The following PTPRN2 variants were observed in gnomAD, a reference collection of about 807,000 sequenced individuals.
PTPRN2 encodes the protein protein tyrosine phosphatase receptor type N2.
Under a neutral mutation model 118.8 loss-of-function variants are expected in PTPRN2, and 74 were observed. The ratio of observed to expected loss-of-function variants is 0.62; its 90% CI spans 0.52 to 0.76. The LOEUF (loss-of-function observed/expected upper bound fraction) is 0.76, where lower values mean the gene tolerates loss of function less well. Ranked by LOEUF, PTPRN2 falls within the 30% of genes least tolerant of loss-of-function variation. The pLI is 0.00. For synonymous variants in PTPRN2, 641 were observed against 608.0 expected, an observed-to-expected ratio of 1.05 and a Z score of -0.80; for missense variants, 1,481 against 1,394.4, an observed-to-expected ratio of 1.06 and a Z score of -0.99.
chr7:157,737,620 T>A (rs576640158), intron 12 of PTPRN2, among the ~76,000 whole-genome samples: 1 of 152,328 alleles, frequency 6.6e-6, no homozygotes, highest in South Asian at 2.1e-4. Context: ...GTACTCACGG[T>A]CCTGAGTTGA....
chr7:158,318,762 C>T (rs1802563164), intron 2 of PTPRN2, among the ~76,000 whole-genome samples: 1 of 152,250 alleles, frequency 6.6e-6, no homozygotes, highest in Non-Finnish European at 1.5e-5. Flanking sequence ...CCGGGGTGGA[C>T]GTGCGTGGCC....
In PTPRN2 at chr7:157,883,151, C is replaced by T. The variant is rs551305184; in HGVS notation, c.1788+15522G>A. On this transcript the variant is annotated intron_variant, in intron 12 of 22. Coordinates refer to ENST00000389418, the MANE Select transcript of PTPRN2 (RefSeq NM_002847.5). ...AAAATGACTGTCAGGGATCAGAACA[C>T]ACCACCCCAAAAATGACTGTCGGAG... 6.0e-5 allele frequency among the ~76,000 whole-genome samples: 9 copies of T among 150,222 alleles called. No individual in the cohort carries two copies. In the East Asian group the frequency reaches 6.1e-4, roughly 10 times the overall value.
intron 2 of PTPRN2, among the ~76,000 whole-genome samples, chr7:158,321,726 A>G (rs923447290): frequency 2.0e-5 from 3 of 152,208 alleles, no homozygotes; most frequent in African/African-American, 7.2e-5. Context: ...TTGCCTATGA[A>G]AACTGTGGGC....
In PTPRN2 at chr7:158,570,007, C is replaced by A. The variant is rs1563444573; in HGVS notation, c.112+17551G>T. Among the ~76,000 whole-genome samples, 1 of 152,164 alleles carries A rather than the reference C, an allele frequency of 6.6e-6. No individual in the cohort carries two copies. The highest frequency in any genetic ancestry group is 1.5e-5 in the Non-Finnish European group (1 of 68,018). Reference sequence around the variant, plus strand: ...CGCAGACGGGGGAGCCCAGAGCCCACGCGCCAAGGCCGCCAGGCCTTTCCT... The same window carrying A: ...CGCAGACGGGGGAGCCCAGAGCCCAAGCGCCAAGGCCGCCAGGCCTTTCCT... On this transcript the variant is annotated intron_variant, in intron 1 of 22. Transcript: ENST00000389418. This position sits in a 1 kb window ranked among gnomAD's most constrained non-coding sequence, Gnocchi z 4.5.
chr7:158,118,049 G>A (rs1025455507), intron 9 of PTPRN2, among the ~76,000 whole-genome samples: 3 of 152,150 alleles, frequency 2.0e-5, no homozygotes, highest in Non-Finnish European at 4.4e-5. Flanking sequence ...ACAGTGGTTT[G>A]TAACTCCTTT....
chr7:158,497,673 C>T (rs1169186112), intron 1 of PTPRN2, among the ~76,000 whole-genome samples: 1 of 152,204 alleles, frequency 6.6e-6, no homozygotes, highest in Non-Finnish European at 1.5e-5. Flanking sequence ...AAGGCAGGAC[C>T]CCAAAACAGT....
At chr7:157,625,589 A>G (rs1031208312) in intron 14 of PTPRN2, among the ~76,000 whole-genome samples, 1 of 152,070 alleles carries the variant, frequency 6.6e-6, no homozygotes, top group Non-Finnish European at 1.5e-5. Flanking sequence ...GAGGAGAAGG[A>G]GGGGGGCGAG....
intron 2 of PTPRN2, among the ~76,000 whole-genome samples, chr7:158,414,182 T>C (rs765533146): frequency 6.0e-5 from 9 of 149,990 alleles, no homozygotes; most frequent in African/African-American, 9.9e-5. Context: ...TTCCAGAGCG[T>C]AGGGAATCAG....
chr7:158,328,644 C>A (rs907763988), intron 2 of PTPRN2, among the ~76,000 whole-genome samples: 17 of 152,000 alleles, frequency 1.1e-4, no homozygotes, highest in Middle Eastern at 3.4e-3. Flanking sequence ...ATTCCTCCCA[C>A]CACCCAGATC....
At chr7:158,177,291 G>T (rs1427384525) in intron 5 of PTPRN2, among the ~76,000 whole-genome samples, 1 of 152,124 alleles carries the variant, frequency 6.6e-6, no homozygotes, top group Non-Finnish European at 1.5e-5. Flanking sequence ...GTGACATGAA[G>T]TGGTTGTTCT....
chr7:158,239,099 C>T (rs79757564), intron 3 of PTPRN2, among the ~76,000 whole-genome samples: 105 of 152,314 alleles, frequency 6.9e-4, no homozygotes, highest in African/African-American at 2.4e-3. Context: ...GCCCCCATCA[C>T]CCCGGGGTGG....
intron 5 of PTPRN2, among the ~76,000 whole-genome samples, chr7:158,174,413 C>T (rs556039874): frequency 6.6e-6 from 1 of 151,772 alleles, no homozygotes; most frequent in Non-Finnish European, 1.5e-5. Flanking sequence ...AGCAGCATCC[C>T]CACCATTATC....
At chr7:157,792,845 T>C (rs1381062994) in intron 12 of PTPRN2, among the ~76,000 whole-genome samples, 2 of 152,118 alleles carry the variant, frequency 1.3e-5, no homozygotes, top group Non-Finnish European at 2.9e-5. Context: ...GCGTGGCTGG[T>C]CATTTAATGT....
In PTPRN2 at chr7:158,246,041, C is replaced by T. The variant is rs150901461; in HGVS notation, c.278-40768G>A. ...CCTCCCCACCTGCGACAATAAACAC[C>T]GCATGATGTTACCCTCCAGGGATGA... is the stretch of plus-strand genomic sequence containing the variant. On this transcript the variant is annotated intron_variant, in intron 3 of 22. Coordinates refer to ENST00000389418, the MANE Select transcript of PTPRN2 (RefSeq NM_002847.5). 1.1e-4 allele frequency among the ~76,000 whole-genome samples: 17 copies of T among 152,106 alleles called. No homozygotes were observed. In the East Asian group the frequency reaches 2.3e-3, roughly 21 times the overall value.
intron 11 of PTPRN2, among the ~76,000 whole-genome samples, chr7:158,037,861 A>G (rs1012923228): frequency 1.3e-5 from 2 of 152,230 alleles, no homozygotes; most frequent in African/African-American, 4.8e-5. Context: ...AAGATTTCAC[A>G]TTGTCAGAAC....
In PTPRN2 at chr7:158,292,806, G is replaced by A. The variant is rs547134889; in HGVS notation, c.277+24013C>T. ...AAATGGGCCGGGCATGGTGGCTCAC[G>A]CCTGTAATCCCAGCACTTTGGGAGG... On this transcript the variant is annotated intron_variant, in intron 3 of 22. Coordinates refer to ENST00000389418, the MANE Select transcript of PTPRN2 (RefSeq NM_002847.5). Among the ~76,000 whole-genome samples, 312 of 152,326 alleles carry A rather than the reference G, an allele frequency of 2.0e-3. 4 individuals carry two copies. The highest frequency in any genetic ancestry group is 3.7e-3 in the Admixed American group (56 of 15,304).
At chr7:158,178,598 T>C (rs1007175380) in intron 5 of PTPRN2, among the ~76,000 whole-genome samples, 7 of 139,236 alleles carry the variant, frequency 5.0e-5, no homozygotes, top group African/African-American at 1.1e-4. Context: ...TCTTTTTTTT[T>C]TTTTTTTTTT....
intron 2 of PTPRN2, among the ~76,000 whole-genome samples, chr7:158,431,476 TGGGCA>T (rs1300851331): frequency 5.0e-3 from 38 of 7,668 alleles, no homozygotes; most frequent in South Asian, 5.7e-3. Context: ...GGGCACATAC[TGGGCA>T]CACACTGGCT....
intron 11 of PTPRN2, among the ~76,000 whole-genome samples, chr7:158,080,463 C>G (rs1812730528): frequency 6.6e-6 from 1 of 151,518 alleles, no homozygotes; most frequent in African/African-American, 2.4e-5. Context: ...ACCCTGCCTG[C>G]GGAATGGCCC....
Sources: gnomAD v4.1 joint callset for allele counts (sites outside exome capture counted in the v4.1 genomes callset) on GRCh38, gnomAD v4.1.1 for gene constraint, Gnocchi (gnomAD v3.1) non-coding constraint, MANE v1.5 for transcripts, NCBI Gene and HGNC (gene_info 2026-07-23, HGNC 2026-07-21) for gene names.